TCP11: variants seen among roughly 807,000 people sequenced by gnomAD.
TCP11 encodes the protein t-complex 11, also known as T-complex protein 11 homolog.
Under a neutral mutation model 45.0 loss-of-function variants are expected in TCP11, and 34 were observed. The observed-to-expected ratio is 0.76, with a 90% CI of 0.57 to 1.01. The LOEUF (loss-of-function observed/expected upper bound fraction) is 1.01, where lower values mean the gene tolerates loss of function less well. Ranked by LOEUF, TCP11 falls within the 50% of genes least tolerant of loss-of-function variation. The pLI, the probability that TCP11 is intolerant of heterozygous loss-of-function variation, is 0.00. For synonymous variants in TCP11, 227 were observed against 227.0 expected, an observed-to-expected ratio of 1.00 and a Z score of 0.00; for missense variants, 523 against 598.1, an observed-to-expected ratio of 0.87 and a Z score of 1.31.
intron 2 of TCP11, 44 bp downstream of exon 2, chr6:35,140,703 A>C: frequency 7.2e-7 from 1 of 1,398,358 alleles, no homozygotes; most frequent in African/African-American, 1.4e-5. Context: ...CCCCCACACT[A>C]AGCACCCCCT....
At position 35,141,171 on chromosome 6, in the gene TCP11, G is replaced by T. The variant is rs754261184; in HGVS notation, c.-15+34C>A. The T allele has an allele frequency of 1.7e-5, 23 of 1,325,114 alleles. No individual in the cohort carries two copies. In the South Asian group the frequency reaches 4.1e-4, roughly 23 times the overall value. The allele number at this position is 1,325,114 out of a possible 1,614,324, so 82.1% of individuals were successfully genotyped here. ...AGGTGCCCCCCTCGCCCGAAACGCC[G>T]GCCCAGGCCCGCCTCCGGCTCCCAG... On this transcript the variant is annotated intron_variant, in intron 1 of 9. Coordinates refer to ENST00000311875, the MANE Select transcript of TCP11 (RefSeq NM_001370687.1).
intron 9 of TCP11, 53 bp from the exon 10 acceptor site, chr6:35,118,554 G>C (rs1778886208): frequency 6.5e-7 from 1 of 1,531,086 alleles, no homozygotes; most frequent in East Asian, 2.3e-5. Context: ...ATTTCAGGGA[G>C]AAAATTCCCC....
At chr6:35,132,679 C>T (rs561002486) in intron 3 of TCP11, among the ~76,000 whole-genome samples, 6 of 152,260 alleles carry the variant, frequency 3.9e-5, no homozygotes, top group African/African-American at 9.6e-5. Flanking sequence ...GCCTTTTTCC[C>T]GACATAATTT....
intron 4 of TCP11, among the ~76,000 whole-genome samples, chr6:35,124,764 G>T (rs191927288): frequency 6.6e-6 from 1 of 152,250 alleles, no homozygotes; most frequent in Admixed American, 6.5e-5. Flanking sequence ...AACAAATGGT[G>T]CTGGGAAAAC....
At chr6:35,134,777 C>T (rs954817393) in intron 3 of TCP11, among the ~76,000 whole-genome samples, 2 of 152,098 alleles carry the variant, frequency 1.3e-5, no homozygotes, top group African/African-American at 4.8e-5. Context: ...GATATAAGGG[C>T]CAACTGTATT....
intron 2 of TCP11, chr6:35,139,934 G>T (rs1781525877): frequency 7.4e-7 from 1 of 1,356,948 alleles, no homozygotes; most frequent in South Asian, 1.3e-5. Context: ...TCATTTTACT[G>T]AGAGTTGTTT....
At chr6:35,127,562 T>C (rs1779968859) in intron 4 of TCP11, among the ~76,000 whole-genome samples, 1 of 152,246 alleles carries the variant, frequency 6.6e-6, no homozygotes, top group Non-Finnish European at 1.5e-5. Flanking sequence ...CTATAAATTT[T>C]ATCTTTGCTT....
At chr6:35,124,889 T>C (rs1386525215) in intron 4 of TCP11, among the ~76,000 whole-genome samples, 1 of 151,116 alleles carries the variant, frequency 6.6e-6, no homozygotes, top group Admixed American at 6.6e-5. Flanking sequence ...AAAATATATA[T>C]ATATATTAAT....
chr6:35,119,261 C>T lies in TCP11; in HGVS notation c.1246G>A (p.Ala416Thr). The T allele has an allele frequency of 6.2e-7, 1 of 1,614,202 alleles. No individual in the cohort carries two copies. Among genetic ancestry groups the T allele is most frequent in the Non-Finnish European group, 8.5e-7 (1 of 1,180,022 alleles). ...ASLMGQLQNI[A>T]KKENCVCSVI... is the part of the protein sequence containing the mutation. ...CTGCAGACACAGTTCTCCTTCTTGGCAATGTTCTGGAGCTGTCCCATTAGA... is the reference window on the plus strand; with the variant it reads ...CTGCAGACACAGTTCTCCTTCTTGGTAATGTTCTGGAGCTGTCCCATTAGA... The change falls in exon 9 of 10, where the codon GCC (alanine) becomes ACC (threonine). Residue 416 changes from alanine to threonine, a missense_variant. By Grantham distance (58) the Ala-to-Thr change is moderately conservative. This residue lies in a region of TCP11 where 298 missense variants were observed against 387.9 expected (regional missense o/e 0.77). Coordinates refer to ENST00000311875, the MANE Select transcript of TCP11 (RefSeq NM_001370687.1).
intron 9 of TCP11, 68 bp downstream of exon 9, chr6:35,119,160 G>A (rs908706749): frequency 5.7e-6 from 9 of 1,578,834 alleles, no homozygotes; most frequent in Non-Finnish European, 7.8e-6. Flanking sequence ...TGTTGTTAAA[G>A]GTTGGGGTTC....
intron 3 of TCP11, among the ~76,000 whole-genome samples, chr6:35,132,152 G>A (rs1780523733): frequency 1.3e-5 from 2 of 152,070 alleles, no homozygotes; most frequent in African/African-American, 4.8e-5. Context: ...CTTCTACCTT[G>A]TAACACCTTG....
intron 2 of TCP11, chr6:35,137,720 G>A (rs1009939014): frequency 4.2e-5 from 19 of 451,022 alleles, no homozygotes; most frequent in Non-Finnish European, 7.1e-5. Flanking sequence ...AAATGCAGCC[G>A]TATACAATAA....
chr6:35,138,135 G>A (rs1198890496), intron 2 of TCP11, among the ~76,000 whole-genome samples: 1 of 152,158 alleles, frequency 6.6e-6, no homozygotes, highest in Admixed American at 6.6e-5. Flanking sequence ...TACACTGTTG[G>A]TGGGAATGTA....
rs767188052 is a variant in TCP11, at chr6:35,136,186, T to G, written c.157A>C (p.Asn53His). ...TTGTTGCTCAGCTTGGAAACTTCAT[T>G]AACGGTTTCTGTCAGACCTGTGACA... ...LSVTGLTETVNEVSKLSNKIG... is the reference protein window; with the variant it reads ...LSVTGLTETVHEVSKLSNKIG... Residue 53 changes from asparagine to histidine, a missense_variant, in exon 3 of 10, where the codon AAT becomes CAT. By Grantham distance (68) the Asn-to-His change is moderately conservative. This residue lies in a region of TCP11 where 225 missense variants were observed against 210.2 expected (regional missense o/e 1.07). Coordinates refer to ENST00000311875, the MANE Select transcript of TCP11 (RefSeq NM_001370687.1). 1 of 1,613,470 alleles carries G rather than the reference T, an allele frequency of 6.2e-7. No individual in the cohort carries two copies. Among genetic ancestry groups the G allele is most frequent in the Non-Finnish European group, 8.5e-7 (1 of 1,179,788 alleles).
intron 3 of TCP11, 49 bp from the exon 4 acceptor site, chr6:35,129,231 TAC>T (rs745425574): frequency 3.3e-5 from 53 of 1,586,020 alleles, no homozygotes; most frequent in Non-Finnish European, 4.5e-5. Context: ...CAAAAACAGT[TAC>T]AGTGTCATAA....
intron 8 of TCP11, among the ~76,000 whole-genome samples, chr6:35,119,787 A>G (rs979894099): frequency 6.6e-6 from 1 of 152,208 alleles, no homozygotes; most frequent in Non-Finnish European, 1.5e-5. Context: ...CTCATCAGTT[A>G]TAACTACAAC....
chr6:35,138,157 C>T (rs1472006698), intron 2 of TCP11, among the ~76,000 whole-genome samples: 1 of 152,118 alleles, frequency 6.6e-6, no homozygotes, highest in Non-Finnish European at 1.5e-5. Flanking sequence ...ATTAGTACAG[C>T]CACTATGGAG....
intron 3 of TCP11, among the ~76,000 whole-genome samples, chr6:35,134,854 G>C (rs1272871966): frequency 6.6e-6 from 1 of 152,116 alleles, no homozygotes; most frequent in Non-Finnish European, 1.5e-5. Context: ...ATAGCAAACA[G>C]AATGTAGCAG....
At position 35,120,053 on chromosome 6, in the gene TCP11, G is replaced by A; in HGVS notation, c.1115+106C>T. On this transcript the variant is annotated intron_variant, in intron 8 of 9. Coordinates refer to ENST00000311875, the MANE Select transcript of TCP11 (RefSeq NM_001370687.1). The surrounding 1 kb of genome is among the most constrained non-coding windows in gnomAD (Gnocchi z 4.9). Reference sequence around the variant, plus strand: ...ACAATCTTTGTAGATGGTTCCACAGGGCCTTTCTGTGGTTTGTGGTAGACA... The same window carrying A: ...ACAATCTTTGTAGATGGTTCCACAGAGCCTTTCTGTGGTTTGTGGTAGACA... 1.5e-6 allele frequency: 2 copies of A among 1,361,908 alleles called. No homozygotes were observed. Among genetic ancestry groups the A allele is most frequent in the Non-Finnish European group, 2.0e-6 (2 of 1,004,300 alleles). 84.4% of individuals were successfully genotyped at this position (1,361,908 alleles called of 1,614,324 possible).
Sources: allele counts gnomAD v4.1 joint callset (sites outside exome capture counted in the v4.1 genomes callset), GRCh38; gene constraint gnomAD v4.1.1; regional missense constraint gnomAD v4.1.1; non-coding constraint Gnocchi (gnomAD v3.1); transcripts MANE v1.5; gene names NCBI Gene and HGNC (gene_info 2026-07-23, HGNC 2026-07-21).